TBCK: variants seen among roughly 807,000 people sequenced by gnomAD.
The protein encoded by TBCK is TBC1 domain containing kinase.
In TBCK, 99 loss-of-function variants were observed where a neutral mutation model predicts 113.4. The observed-to-expected ratio is 0.87, with a 90% CI of 0.74 to 1.03. The LOEUF (loss-of-function observed/expected upper bound fraction) is 1.03, where lower values mean the gene tolerates loss of function less well. TBCK is among the 50% of genes least tolerant of loss of function. The pLI is 0.00. For synonymous variants in TBCK, 369 were observed against 370.8 expected (o/e 1.00, Z 0.05); for missense variants, 1,045 against 1,061.3 (o/e 0.98, Z 0.21).
intron 5 of TBCK, among the ~76,000 whole-genome samples, chr4:106,252,934 C>A (rs980626729): frequency 6.6e-6 from 1 of 152,096 alleles, no homozygotes; most frequent in East Asian, 1.9e-4. Flanking sequence ...TTTTGAAAAC[C>A]GGTTTAGCAA....
chr4:106,146,939 T>C (rs1185158781), intron 23 of TBCK, among the ~76,000 whole-genome samples: 4 of 152,208 alleles, frequency 2.6e-5, no homozygotes, highest in Non-Finnish European at 4.4e-5. Flanking sequence ...TCTAAATGCA[T>C]TGTTATCATT....
At chr4:106,078,942 T>G (rs1356073191) in intron 25 of TBCK, among the ~76,000 whole-genome samples, 1 of 152,102 alleles carries the variant, frequency 6.6e-6, no homozygotes, top group African/African-American at 2.4e-5. Context: ...GCACTAAGAT[T>G]AAATAGGCCA....
chr4:106,308,183 A>T (rs1767740194), intron 2 of TBCK, among the ~76,000 whole-genome samples: 4 of 152,194 alleles, frequency 2.6e-5, no homozygotes, highest in Admixed American at 2.6e-4. Flanking sequence ...TAATCATTCA[A>T]ATATAGTTGT....
At chr4:106,067,709 G>A (rs946562640) in intron 25 of TBCK, among the ~76,000 whole-genome samples, 1 of 152,086 alleles carries the variant, frequency 6.6e-6, no homozygotes, top group African/African-American at 2.4e-5. Context: ...TTTTTTGCGT[G>A]TGGATATTCA....
At chr4:106,201,240 T>C (rs905229992) in intron 20 of TBCK, among the ~76,000 whole-genome samples, 1 of 151,992 alleles carries the variant, frequency 6.6e-6, no homozygotes, top group Non-Finnish European at 1.5e-5. Context: ...GAGATAGTAA[T>C]GTCTATTATT....
chr4:106,309,516 C>G (rs928134418), intron 1 of TBCK, among the ~76,000 whole-genome samples: 2 of 151,834 alleles, frequency 1.3e-5, no homozygotes, highest in Non-Finnish European at 2.9e-5. Context: ...GTTGGCCAGG[C>G]TGGTCTTGAA....
intron 23 of TBCK, among the ~76,000 whole-genome samples, chr4:106,166,403 A>T (rs953442904): frequency 6.6e-6 from 1 of 151,866 alleles, no homozygotes; most frequent in African/African-American, 2.4e-5. Context: ...TATGTAAAAG[A>T]GGTAATTCCT....
chr4:106,220,974 TA>T, intron 19 of TBCK, among the ~76,000 whole-genome samples: 1 of 152,216 alleles, frequency 6.6e-6, no homozygotes, highest in East Asian at 1.9e-4. Flanking sequence ...TGCTTCATTT[TA>T]AAACAGAAAT....
At chr4:106,255,561 T>C (rs1314153052) in intron 5 of TBCK, among the ~76,000 whole-genome samples, 1 of 152,178 alleles carries the variant, frequency 6.6e-6, no homozygotes, top group Non-Finnish European at 1.5e-5. Flanking sequence ...GGGAACATGG[T>C]TGTGCCCGGA....
chr4:106,157,263 G>A (rs1023959504), intron 23 of TBCK, among the ~76,000 whole-genome samples: 6 of 152,146 alleles, frequency 3.9e-5, no homozygotes, highest in Non-Finnish European at 7.4e-5. Context: ...TCCTTAAGTG[G>A]AAAGAAGGTG....
chr4:106,092,088 A>G (rs1481377754), intron 25 of TBCK, among the ~76,000 whole-genome samples: 1 of 152,206 alleles, frequency 6.6e-6, no homozygotes, highest in East Asian at 1.9e-4. Flanking sequence ...AGCTAGATAC[A>G]GAGTGCCGAT....
chr4:106,226,872 G>A (rs889934272), intron 19 of TBCK, among the ~76,000 whole-genome samples: 1 of 151,878 alleles, frequency 6.6e-6, no homozygotes, highest in African/African-American at 2.4e-5. Context: ...AGTAAGAATG[G>A]GGCACATCCC....
chr4:106,164,635 C>G (rs1446049462), intron 23 of TBCK, among the ~76,000 whole-genome samples: 4 of 151,724 alleles, frequency 2.6e-5, no homozygotes, highest in Non-Finnish European at 1.5e-5. Flanking sequence ...AGTCTCTTTA[C>G]CTCTAAAATG....
At position 106,043,705 on chromosome 4, in the gene TBCK, T is replaced by A. The variant is rs948619379; in HGVS notation, c.*2865A>T. 6.6e-6 allele frequency: 1 copy of A among 151,924 alleles called. No homozygotes were observed. Among genetic ancestry groups the A allele is most frequent in the Admixed American group, 6.6e-5 (1 of 15,236 alleles). The allele number at this position is 151,924 out of a possible 1,614,324, so 9.4% of individuals were successfully genotyped here. On this transcript the variant is annotated 3_prime_UTR_variant, in exon 26 of 26. Transcript: ENST00000394708. Reference sequence around the variant, plus strand: ...GAGGTACACTGTTGTTGCTAGATTATCAAGAGTTAATAAGTGTGTTTATGA... The same window carrying A: ...GAGGTACACTGTTGTTGCTAGATTAACAAGAGTTAATAAGTGTGTTTATGA...
intron 25 of TBCK, among the ~76,000 whole-genome samples, chr4:106,092,785 C>A (rs1740451387): frequency 6.6e-6 from 1 of 152,248 alleles, no homozygotes; most frequent in Non-Finnish European, 1.5e-5. Context: ...TCCACACCTC[C>A]CCGCAGGCTG....
intron 23 of TBCK, among the ~76,000 whole-genome samples, chr4:106,153,297 C>T (rs1748732883): frequency 6.6e-6 from 1 of 151,912 alleles, no homozygotes; most frequent in Non-Finnish European, 1.5e-5. Context: ...CAATTTCCTT[C>T]TTGATTTCTT....
intron 23 of TBCK, among the ~76,000 whole-genome samples, chr4:106,144,657 T>A (rs952868467): frequency 2.0e-5 from 3 of 152,054 alleles, no homozygotes; most frequent in Non-Finnish European, 4.4e-5. Context: ...AAAATGATTA[T>A]CTTTCTTTTG....
intron 23 of TBCK, among the ~76,000 whole-genome samples, chr4:106,127,795 A>T (rs1041426808): frequency 2.6e-5 from 4 of 152,102 alleles, no homozygotes; most frequent in Non-Finnish European, 4.4e-5. Flanking sequence ...GCCAAGCACA[A>T]TTTTTTTCCA....
intron 20 of TBCK, among the ~76,000 whole-genome samples, chr4:106,198,669 T>A (rs1454274060): frequency 1.3e-5 from 2 of 152,162 alleles, no homozygotes; most frequent in Non-Finnish European, 2.9e-5. Flanking sequence ...ATCATTTTTA[T>A]ATTATAATTA....
Sources: allele counts gnomAD v4.1 joint callset (sites outside exome capture counted in the v4.1 genomes callset), GRCh38; gene constraint gnomAD v4.1.1; transcripts MANE v1.5; gene names NCBI Gene and HGNC (gene_info 2026-07-23, HGNC 2026-07-21).